NLRP6: variants seen among roughly 807,000 people sequenced by gnomAD.
The protein encoded by NLRP6 is NACHT, LRR and PYD domains-containing protein 6.
Under a neutral mutation model 70.9 loss-of-function variants are expected in NLRP6, and 55 were observed. The observed-to-expected ratio is 0.78, with a 90% CI of 0.62 to 0.97. The LOEUF (loss-of-function observed/expected upper bound fraction) is 0.97. NLRP6 is among the 50% of genes least tolerant of loss of function. The probability of loss-of-function intolerance (pLI) is 0.00; values close to 1 mark genes in which losing one functional copy is unlikely to be tolerated. For synonymous variants in NLRP6, 652 were observed against 581.9 expected, an observed-to-expected ratio of 1.12 and a Z score of -1.73; for missense variants, 1,241 against 1,238.3, an observed-to-expected ratio of 1.00 and a Z score of -0.03.
Position 281,795 on chromosome 11 carries a change from G to C in NLRP6, c.2061G>C (p.Lys687Asn), listed in dbSNP as rs781338523. ...CRLVAAQEKK[K>N]KSLGKRLQAS... is the part of the protein sequence containing the mutation. ...TGGTTGCTGCGCAGGAGAAGAAGAA[G>C]AAGAGCCTGGGGAAGCGGCTCCAGG... Residue 687 changes from lysine (K) to asparagine (N), a missense_variant, in exon 4 of 8, where the codon AAG becomes AAC. Lys to Asn is a moderately conservative substitution (Grantham distance 94). Coordinates refer to ENST00000534750, the MANE Select transcript of NLRP6 (RefSeq NM_001276700.2). 3.8e-6 allele frequency: 6 copies of C among 1,599,846 alleles called. No individual in the cohort carries two copies. The African/African-American group carries it at 6.7e-5, about 18-fold the overall frequency.
rs369069439 is a variant in NLRP6 at position 284,580 on chromosome 11, C to T, written c.2475C>T (p.Ala825=). ...ATCTCAGCGGCTGCCAACTGCCCGC[C>T]CCCATGGTGACCTACCTGTGTGCAG... The part of the protein sequence containing the change: ...TLDLSGCQLP[A]PMVTYLCAVL... Residue 825 remains alanine, a synonymous_variant, in exon 7 of 8, where the codon GCC becomes GCT. Transcript: ENST00000534750. 23 of 1,612,068 alleles carry T rather than the reference C, an allele frequency of 1.4e-5. No homozygotes were observed. Among genetic ancestry groups the T allele is most frequent in the Middle Eastern group, 1.6e-4 (1 of 6,080 alleles).
intron 4 of NLRP6, among the ~76,000 whole-genome samples, chr11:282,466 A>G (rs9737451): frequency 0.81 from 122,950 of 152,192 alleles, 50,645 homozygotes; most frequent in African/African-American, 0.86. Context: ...ACCCATGTAG[A>G]GGATGTGGGT....
In NLRP6 at chr11:279,617, G is replaced by A. The variant is rs1391071524; in HGVS notation, c.310+10G>A. Reference sequence around the variant, plus strand: ...GAGCGGCGGCTGCAGCGTGAGTTCTGCGCGGGAGGTCCCTCCTGTCTGGGC... The same window carrying A: ...GAGCGGCGGCTGCAGCGTGAGTTCTACGCGGGAGGTCCCTCCTGTCTGGGC... On this transcript the variant is annotated intron_variant, in intron 2 of 7. Coordinates refer to ENST00000534750, the MANE Select transcript of NLRP6 (RefSeq NM_001276700.2). 1 of 1,394,524 alleles carries A rather than the reference G, an allele frequency of 7.2e-7. No individual in the cohort carries two copies. The highest frequency in any genetic ancestry group is 1.5e-5 in the African/African-American group (1 of 65,842). The allele number at this position is 1,394,524 out of a possible 1,614,324, so 86.4% of individuals were successfully genotyped here. A position where few individuals can be genotyped will look rare whatever the true frequency, so the allele number is the denominator to read the frequency against.
chr11:279,698 GCC>G (rs1040539371), intron 2 of NLRP6, 91 bp downstream of exon 2: 2 of 1,348,622 alleles, frequency 1.5e-6, no homozygotes, highest in Non-Finnish European at 1.9e-6. Context: ...GCGGTCCCCG[GCC>G]CCCGCGCGTT....
At chr11:283,208 T>C (rs1845502646) in intron 5 of NLRP6, among the ~76,000 whole-genome samples, 1 of 151,836 alleles carries the variant, frequency 6.6e-6, no homozygotes, top group Non-Finnish European at 1.5e-5. Context: ...GCGTGCCCAG[T>C]AGCAAGTCCA....
In NLRP6 at chr11:281,111, G is replaced by C. The variant is rs1182876535; in HGVS notation, c.1377G>C (p.Gln459His). 1 of 1,612,834 alleles carries C rather than the reference G, an allele frequency of 6.2e-7. No homozygotes were observed. Among genetic ancestry groups the C allele is most frequent in the Admixed American group, 1.7e-5 (1 of 60,028 alleles). Residue 459 changes from glutamine (Q) to histidine (H), a missense_variant, in exon 4 of 8, where the codon CAG (glutamine) becomes CAC (histidine). Coordinates refer to ENST00000534750, the MANE Select transcript of NLRP6 (RefSeq NM_001276700.2). Reference sequence around the variant, plus strand: ...AGGGCGTCCTCGGACGCAGGGCGCAGTTTGCCGAGAAGGAACTGGAGCAAC... The same window carrying C: ...AGGGCGTCCTCGGACGCAGGGCGCACTTTGCCGAGAAGGAACTGGAGCAAC... ...AREGVLGRRAQFAEKELEQLE... is the reference protein window; with the variant it reads ...AREGVLGRRAHFAEKELEQLE...
Position 279,455 on chromosome 11 carries a change from G to C in NLRP6, c.158G>C (p.Trp53Ser), listed in dbSNP as rs1845434315. Residue 53 changes from tryptophan (W) to serine (S), a missense_variant, in exon 2 of 8, where the codon TGG (tryptophan) becomes TCG (serine). Transcript: ENST00000534750. ...DVGPDGRSIPWGRLERADAVD... is the reference protein window; with the variant it reads ...DVGPDGRSIPSGRLERADAVD... The stretch of plus-strand genomic sequence containing the variant: ...GGCCCGGACGGACGCAGCATCCCGT[G>C]GGGGCGGCTGGAGCGCGCGGACGCC... 2.1e-5 allele frequency: 29 copies of C among 1,405,590 alleles called. No homozygotes were observed. The highest frequency in any genetic ancestry group is 2.7e-5 in the Non-Finnish European group (29 of 1,082,156). The allele number at this position is 1,405,590 out of a possible 1,614,324, so 87.1% of individuals were successfully genotyped here.
chr11:285,265 C>G lies in NLRP6; in HGVS notation c.2637C>G (p.Gly879=). 6.2e-7 allele frequency: 1 copy of G among 1,608,272 alleles called. No individual in the cohort carries two copies. The highest frequency in any genetic ancestry group is 8.5e-7 in the Non-Finnish European group (1 of 1,177,110). Residue 879 remains glycine (G), a synonymous_variant, in exon 8 of 8, where the codon GGC becomes GGG. Coordinates refer to ENST00000534750, the MANE Select transcript of NLRP6 (RefSeq NM_001276700.2). ...DLVITHPALD[G]HPQPPKELIS... ...TCATCACACACCCAGCGCTGGACGG[C>G]CACCCACAACCTCCCAAGGAACTCA...
In NLRP6 at chr11:285,171, C is replaced by T; in HGVS notation, c.2543C>T (p.Ala848Val). The change falls in exon 8 of 8, where the codon GCC (alanine) becomes GTC (valine). Residue 848 changes from alanine (A) to valine (V), a missense_variant. Transcript: ENST00000534750. The stretch of plus-strand genomic sequence containing the variant: ...TGCTCTGCGTGTGGCTGCAGTCTGG[C>T]CTCTGTGGAGCTGAGCGAGCAGTCA... ...QGCGLQTLSL[A>V]SVELSEQSLQ... 1 of 1,585,176 alleles carries T rather than the reference C, an allele frequency of 6.3e-7. No homozygotes were observed.
At position 281,149 on chromosome 11, in the gene NLRP6, G is replaced by T. The variant is rs1005439970; in HGVS notation, c.1415G>T (p.Gly472Val). Reference protein sequence around the residue: ...EKELEQLELRGSKVQTLFLSK... With the variant: ...EKELEQLELRVSKVQTLFLSK... ...GAACTGGAGCAACTGGAGCTTCGTGGCTCCAAAGTGCAGACGCTGTTTCTC... is the reference window on the plus strand; with the variant it reads ...GAACTGGAGCAACTGGAGCTTCGTGTCTCCAAAGTGCAGACGCTGTTTCTC... The change falls in exon 4 of 8, where the codon GGC (glycine) becomes GTC (valine). Residue 472 changes from glycine to valine, a missense_variant. Transcript: ENST00000534750. 1 of 1,613,052 alleles carries T rather than the reference G, an allele frequency of 6.2e-7. No individual in the cohort carries two copies. Among genetic ancestry groups the T allele is most frequent in the Non-Finnish European group, 8.5e-7 (1 of 1,179,962 alleles).
At chr11:283,311 CTTTTTTTTTT>C (rs34619806) in intron 5 of NLRP6, among the ~76,000 whole-genome samples, 1 of 115,456 alleles carries the variant, frequency 8.7e-6, no homozygotes, top group Non-Finnish European at 1.8e-5. Flanking sequence ...ATGTACAGTT[CTTTTTTTTTT>C]TTTTTTTTTT....
At chr11:284,690 G>T (rs112856175) in intron 7 of NLRP6, 48 bp downstream of exon 7, 2 of 1,528,602 alleles carry the variant, frequency 1.3e-6, no homozygotes, top group South Asian at 1.2e-5. Flanking sequence ...CTGTCAACCC[G>T]GGGAGGGGGA....
At chr11:283,585 T>A (rs1265710868) in intron 5 of NLRP6, among the ~76,000 whole-genome samples, 2 of 152,088 alleles carry the variant, frequency 1.3e-5, no homozygotes, top group African/African-American at 2.4e-5. Flanking sequence ...AGTGCTGGGA[T>A]CACAGGCATG....
intron 7 of NLRP6, among the ~76,000 whole-genome samples, chr11:284,936 C>T (rs34467189): frequency 0.23 from 35,290 of 152,102 alleles, 4,387 homozygotes; most frequent in Non-Finnish European, 0.27. Flanking sequence ...CCCCAAGGTC[C>T]GGCCTCTGCC....
rs2134010801 is a variant in NLRP6 at position 284,135 on chromosome 11, A to AC, written c.2199-92dup. The AC allele has an allele frequency of 4.4e-6, 5 of 1,140,824 alleles. No individual in the cohort carries two copies. The South Asian group carries it at 6.6e-5, about 15-fold the overall frequency. 70.7% of individuals were successfully genotyped at this position (1,140,824 alleles called of 1,614,324 possible). ...TGGCACCAACACATCTCTCAGCTGA[A>AC]CCCTGGGCCACCGGGCAGCGGGCAT... On this transcript the variant is annotated intron_variant, in intron 5 of 7. Coordinates refer to ENST00000534750, the MANE Select transcript of NLRP6 (RefSeq NM_001276700.2).
chr11:279,151 GAA>G, intron 1 of NLRP6, 174 bp from the exon 2 acceptor site: 1 of 515,680 alleles, frequency 1.9e-6, no homozygotes. Flanking sequence ...ACGGGGGAGG[GAA>G]AAGTCTGGGG....
At position 281,821 on chromosome 11, in the gene NLRP6, C is replaced by A; in HGVS notation, c.2087C>A (p.Ala696Asp). ...KKKSLGKRLQASLGGGSSQGT... is the reference protein window; with the variant it reads ...KKKSLGKRLQDSLGGGSSQGT... ...AAGAGCCTGGGGAAGCGGCTCCAGG[C>A]CAGCCTGGGTGGCGGCAGGTGCGTC... The change falls in exon 4 of 8, where the codon GCC (alanine) becomes GAC (aspartate). Residue 696 changes from alanine to aspartate, a missense_variant. Physicochemically the swap from Ala to Asp is moderately radical, Grantham distance 126 (BLOSUM62 -2). Transcript: ENST00000534750. 6.3e-7 allele frequency: 1 copy of A among 1,582,668 alleles called. No individual in the cohort carries two copies. The highest frequency in any genetic ancestry group is 1.1e-5 in the South Asian group (1 of 89,650).
Position 285,265 on chromosome 11 carries a change from C to T in NLRP6, c.2637C>T (p.Gly879=). Residue 879 remains glycine, a synonymous_variant, in exon 8 of 8, where the codon GGC becomes GGT. Coordinates refer to ENST00000534750, the MANE Select transcript of NLRP6 (RefSeq NM_001276700.2). ...TCATCACACACCCAGCGCTGGACGG[C>T]CACCCACAACCTCCCAAGGAACTCA... is the stretch of plus-strand genomic sequence containing the variant. The part of the protein sequence containing the change: ...DLVITHPALD[G]HPQPPKELIS... The T allele has an allele frequency of 6.2e-7, 1 of 1,608,272 alleles. No homozygotes were observed. The highest frequency in any genetic ancestry group is 8.5e-7 in the Non-Finnish European group (1 of 1,177,110).
Position 285,378 on chromosome 11 carries a change from A to G in NLRP6, c.*74A>G, listed in dbSNP as rs1845544271. The G allele has an allele frequency of 6.0e-6, 9 of 1,488,554 alleles. No individual in the cohort carries two copies. The highest frequency in any genetic ancestry group is 1.7e-4 in the Middle Eastern group (1 of 5,804). 92.2% of individuals were successfully genotyped at this position (1,488,554 alleles called of 1,614,324 possible). ...GGAGAGAACGGCCCATTCCAAGGGCAGGAGGATATTGCTCTCGGCCTTTGG... is the reference window on the plus strand; with the variant it reads ...GGAGAGAACGGCCCATTCCAAGGGCGGGAGGATATTGCTCTCGGCCTTTGG... On this transcript the variant is annotated 3_prime_UTR_variant, in exon 8 of 8. Transcript: ENST00000534750.
Sources: allele counts gnomAD v4.1 joint callset (sites outside exome capture counted in the v4.1 genomes callset), GRCh38; gene constraint gnomAD v4.1.1; transcripts MANE v1.5; gene names NCBI Gene and HGNC (gene_info 2026-07-23, HGNC 2026-07-21).